Variants in DNER observed in about 807,000 individuals in gnomAD.
DNER encodes the protein delta/notch like EGF repeat containing, also known as delta and Notch-like epidermal growth factor-related receptor.
DNER carries 33 observed loss-of-function variants against 78.2 expected under a neutral mutation model. The observed-to-expected ratio is 0.42, with a 90% confidence interval of 0.32 to 0.56. The LOEUF (loss-of-function observed/expected upper bound fraction) is 0.56, where lower values mean the gene tolerates loss of function less well. DNER is among the 20% of genes least tolerant of loss of function. DNER has a pLI of 0.11. For missense variants in DNER, 918 were observed against 975.3 expected (o/e 0.94, Z 0.78); for synonymous variants, 417 against 384.8 (o/e 1.08, Z -0.98).
intron 1 of DNER, among the ~76,000 whole-genome samples, chr2:229,619,097 C>G (rs1647173929): frequency 6.6e-6 from 1 of 152,116 alleles, no homozygotes; most frequent in South Asian, 2.1e-4. Context: ...CACATTGTGT[C>G]ACTGCATTCC....
intron 6 of DNER, among the ~76,000 whole-genome samples, chr2:229,493,932 C>G (rs1350150425): frequency 6.6e-6 from 1 of 152,166 alleles, no homozygotes; most frequent in African/African-American, 2.4e-5. Context: ...CCAAGTGGAA[C>G]AGATAAGGGT....
intron 1 of DNER, among the ~76,000 whole-genome samples, chr2:229,679,061 A>G (rs545319438): frequency 1.3e-5 from 2 of 152,140 alleles, no homozygotes; most frequent in South Asian, 4.2e-4. Flanking sequence ...CCTTTTTAAT[A>G]CTCACTTACC....
intron 1 of DNER, among the ~76,000 whole-genome samples, chr2:229,650,900 G>A (rs1698804748): frequency 6.6e-6 from 1 of 152,186 alleles, no homozygotes; most frequent in South Asian, 2.1e-4. Flanking sequence ...AGTGGATGGG[G>A]CCTGGGATCA....
At chr2:229,527,521 A>G (rs898771111) in intron 5 of DNER, among the ~76,000 whole-genome samples, 7 of 152,212 alleles carry the variant, frequency 4.6e-5, no homozygotes, top group Non-Finnish European at 1.5e-5. Flanking sequence ...TTATACAGGA[A>G]TTAAGTTCAA....
intron 6 of DNER, among the ~76,000 whole-genome samples, chr2:229,495,611 C>T (rs531207585): frequency 1.3e-5 from 2 of 152,216 alleles, no homozygotes; most frequent in African/African-American, 4.8e-5. Flanking sequence ...AGGTCCTCAA[C>T]CTAGGCCCAC....
rs527848118 is a variant in DNER at position 229,446,070 on chromosome 2, A to G, written c.1486+1246T>C. On this transcript the variant is annotated intron_variant, in intron 8 of 12. Transcript: ENST00000341772. The stretch of plus-strand genomic sequence containing the variant: ...GCACTGGAGCAGCAAAACCAGGGAC[A>G]CCGGCATTCGAATCTGGGCTCAGCC... 4.6e-5 allele frequency among the ~76,000 whole-genome samples: 7 copies of G among 152,340 alleles called. No individual in the cohort carries two copies. The South Asian group carries it at 1.5e-3, about 32-fold the overall frequency.
intron 5 of DNER, among the ~76,000 whole-genome samples, chr2:229,525,372 A>G (rs1400215145): frequency 6.6e-6 from 1 of 152,224 alleles, no homozygotes; most frequent in Admixed American, 6.5e-5. Context: ...TAAAGCTGAC[A>G]TAAGGAATCA....
In DNER at chr2:229,576,835, G is replaced by A. The variant is rs1697312409; in HGVS notation, c.847+9023C>T. Among the ~76,000 whole-genome samples the A allele has an allele frequency of 3.9e-5, 6 of 152,178 alleles. 1 individual carries two copies. The South Asian group carries it at 1.2e-3, about 32-fold the overall frequency. On this transcript the variant is annotated intron_variant, in intron 4 of 12. Transcript: ENST00000341772. ...GAACCAGTGGGAAACCTGCAGAGCT[G>A]AGTTAGGTGAACAGCTAGGAAGGCT... is the stretch of plus-strand genomic sequence containing the variant.
intron 7 of DNER, among the ~76,000 whole-genome samples, chr2:229,470,777 G>T (rs1198225142): frequency 1.3e-5 from 2 of 152,174 alleles, no homozygotes; most frequent in Admixed American, 6.5e-5. Flanking sequence ...TTGAATCTGG[G>T]AAGCGGAGGT....
chr2:229,522,206 G>A (rs555486364), intron 5 of DNER, among the ~76,000 whole-genome samples: 1 of 152,292 alleles, frequency 6.6e-6, no homozygotes, highest in East Asian at 1.9e-4. Flanking sequence ...CTACCCAGGG[G>A]AGAAGAAAGT....
chr2:229,572,587 T>C (rs1248419951), intron 4 of DNER, among the ~76,000 whole-genome samples: 1 of 151,978 alleles, frequency 6.6e-6, no homozygotes, highest in East Asian at 1.9e-4. Flanking sequence ...AGCACTGTGC[T>C]AAAGGAACAG....
At chr2:229,412,800 T>C (rs1405375679) in intron 9 of DNER, among the ~76,000 whole-genome samples, 1 of 152,104 alleles carries the variant, frequency 6.6e-6, no homozygotes, top group African/African-American at 2.4e-5. Context: ...ACCCCAGGGC[T>C]CAGTGGGGCA....
At chr2:229,420,860 G>T (rs1010702711) in intron 8 of DNER, among the ~76,000 whole-genome samples, 1 of 152,054 alleles carries the variant, frequency 6.6e-6, no homozygotes, top group African/African-American at 2.4e-5. Context: ...AACTACAGAG[G>T]TTCCTCAAAA....
At chr2:229,411,118 C>T (rs1175968064) in intron 9 of DNER, among the ~76,000 whole-genome samples, 1 of 152,176 alleles carries the variant, frequency 6.6e-6, no homozygotes, top group Non-Finnish European at 1.5e-5. Flanking sequence ...GTATTTATCA[C>T]AGTACTTGAA....
intron 8 of DNER, among the ~76,000 whole-genome samples, chr2:229,430,927 A>G (rs1334540794): frequency 6.6e-6 from 1 of 152,084 alleles, no homozygotes; most frequent in Non-Finnish European, 1.5e-5. Context: ...AACATTTCCT[A>G]TAGTCTATAA....
intron 6 of DNER, among the ~76,000 whole-genome samples, chr2:229,496,524 T>G (rs1019149010): frequency 6.6e-6 from 1 of 152,196 alleles, no homozygotes; most frequent in Non-Finnish European, 1.5e-5. Context: ...TGCATGAATT[T>G]TTTTAAGTCC....
chr2:229,646,916 C>G (rs1316587834), intron 1 of DNER, among the ~76,000 whole-genome samples: 1 of 152,222 alleles, frequency 6.6e-6, no homozygotes, highest in Admixed American at 6.5e-5. Context: ...CACCTGTAAT[C>G]CCAGCACTTT....
chr2:229,637,727 G>A (rs188907858), intron 1 of DNER, among the ~76,000 whole-genome samples: 65 of 151,946 alleles, frequency 4.3e-4, no homozygotes, highest in Non-Finnish European at 7.2e-4. Context: ...AATCAAGTGC[G>A]TTTTTTTTCT....
At chr2:229,599,650 C>A (rs1456510105) in intron 1 of DNER, among the ~76,000 whole-genome samples, 1 of 152,152 alleles carries the variant, frequency 6.6e-6, no homozygotes, top group Non-Finnish European at 1.5e-5. Flanking sequence ...TTAATCATTG[C>A]AACTCCATGA....
Sources: gnomAD v4.1 joint callset for allele counts (sites outside exome capture counted in the v4.1 genomes callset) on GRCh38, gnomAD v4.1.1 for gene constraint, MANE v1.5 for transcripts, NCBI Gene and HGNC (gene_info 2026-07-23, HGNC 2026-07-21) for gene names.